PIK3C2G: variants seen among roughly 807,000 people sequenced by gnomAD.
PIK3C2G encodes the protein phosphatidylinositol 3-kinase C2 domain-containing subunit gamma.
PIK3C2G carries 168 observed loss-of-function variants against 181.1 expected under a neutral mutation model. The observed-to-expected ratio is 0.93, with a 90% confidence interval of 0.82 to 1.05. The LOEUF (loss-of-function observed/expected upper bound fraction) is 1.05, where lower values mean the gene tolerates loss of function less well. Among genes scored for constraint, PIK3C2G ranks in the 50% least tolerant of loss-of-function variants. PIK3C2G has a pLI of 0.00. For missense variants in PIK3C2G, 1,869 were observed against 1,732.8 expected (o/e 1.08, Z -1.40); for synonymous variants, 573 against 592.2 (o/e 0.97, Z 0.47).
At chr12:18,551,993 G>T (rs1484555592) in intron 26 of PIK3C2G, among the ~76,000 whole-genome samples, 1 of 152,026 alleles carries the variant, frequency 6.6e-6, no homozygotes. Flanking sequence ...CTTATCATAG[G>T]CCACCCTTTC....
At chr12:18,518,387 T>C (rs1243889625) in intron 24 of PIK3C2G, among the ~76,000 whole-genome samples, 2 of 152,226 alleles carry the variant, frequency 1.3e-5, no homozygotes, top group African/African-American at 4.8e-5. Flanking sequence ...GTTAGTAGGC[T>C]ATTAATTACT....
At chr12:18,653,990 G>C in the PIK3C2G span, among the ~76,000 whole-genome samples, 1 of 152,094 alleles carries the variant, frequency 6.6e-6, no homozygotes, top group East Asian at 1.9e-4. Flanking sequence ...AACTTGAGTA[G>C]CTTAAAAAAG....
intron 25 of PIK3C2G, among the ~76,000 whole-genome samples, chr12:18,543,953 A>G (rs1219868707): frequency 1.3e-5 from 2 of 151,940 alleles, no homozygotes; most frequent in African/African-American, 4.8e-5. Flanking sequence ...TGACAAACAT[A>G]CATATGAACA....
chr12:18,651,471 T>C (rs1950515834), downstream of PIK3C2G, among the ~76,000 whole-genome samples: 1 of 152,330 alleles, frequency 6.6e-6, no homozygotes, highest in Non-Finnish European at 1.5e-5. Context: ...TTTGTCTCCC[T>C]TCACTAGGCA....
In PIK3C2G at chr12:18,471,774, T is replaced by C. The variant is rs750292597; in HGVS notation, c.2505-16675T>C. ...ATGTAAGATCTTGTGTATTTAAGTA[T>C]GTTTTATTTCTTCCAATTAAGTTGT... On this transcript the variant is annotated intron_variant, in intron 18 of 32. Transcript: ENST00000538779. Among the ~76,000 whole-genome samples the C allele has an allele frequency of 5.6e-4, 85 of 152,312 alleles. 1 individual carries two copies. Among genetic ancestry groups the C allele is most frequent in the Non-Finnish European group, 2.2e-4 (15 of 68,018 alleles).
intron 18 of PIK3C2G, among the ~76,000 whole-genome samples, chr12:18,455,874 G>C (rs1345234503): frequency 6.6e-6 from 1 of 152,142 alleles, no homozygotes; most frequent in African/African-American, 2.4e-5. Context: ...ACATTCAGTT[G>C]ATAGCATTCA....
At chr12:18,277,317 A>G (rs1051995997) in intron 1 of PIK3C2G, among the ~76,000 whole-genome samples, 1 of 152,072 alleles carries the variant, frequency 6.6e-6, no homozygotes, top group African/African-American at 2.4e-5. Flanking sequence ...ATACTTGGGA[A>G]TTGGTTGAGC....
chr12:18,681,378 G>A, the PIK3C2G span, among the ~76,000 whole-genome samples: 7 of 152,086 alleles, frequency 4.6e-5, no homozygotes, highest in Admixed American at 4.6e-4. Context: ...AGCCTTTTCC[G>A]ATGTTTTCTT....
At chr12:18,257,847 G>GAGAA (rs112238182), upstream of PIK3C2G, among the ~76,000 whole-genome samples, 2 of 150,010 alleles carry the variant, frequency 1.3e-5, no homozygotes, top group Non-Finnish European at 3.0e-5. Flanking sequence ...GGAAAAGAAA[G>GAGAA]AGAAAGAAAG....
intron 24 of PIK3C2G, among the ~76,000 whole-genome samples, chr12:18,508,728 C>T (rs765426387): frequency 2.6e-5 from 4 of 152,080 alleles, no homozygotes; most frequent in Non-Finnish European, 5.9e-5. Context: ...ACAAGCTTAG[C>T]GTTCCAGTAA....
intron 16 of PIK3C2G, among the ~76,000 whole-genome samples, chr12:18,409,694 T>A (rs552821512): frequency 7.2e-5 from 11 of 152,174 alleles, no homozygotes; most frequent in Non-Finnish European, 1.5e-4. Flanking sequence ...AATGGCAGAA[T>A]TGAATGGAGA....
At chr12:18,632,327 T>C (rs531791601) in intron 31 of PIK3C2G, among the ~76,000 whole-genome samples, 2 of 152,320 alleles carry the variant, frequency 1.3e-5, no homozygotes, top group East Asian at 3.9e-4. Flanking sequence ...CATTACATGG[T>C]ATATTATTTA....
intron 1 of PIK3C2G, among the ~76,000 whole-genome samples, chr12:18,274,058 A>C (rs1419118270): frequency 6.6e-6 from 1 of 152,222 alleles, no homozygotes; most frequent in East Asian, 1.9e-4. Flanking sequence ...AAAAATGCTC[A>C]TCATCACTGG....
At chr12:18,352,161 G>A (rs969232983) in intron 11 of PIK3C2G, among the ~76,000 whole-genome samples, 3 of 152,322 alleles carry the variant, frequency 2.0e-5, no homozygotes, top group Middle Eastern at 3.4e-3. Context: ...AGTGACACAA[G>A]AGCACTATCA....
chr12:18,383,776 G>C (rs1248976212), intron 14 of PIK3C2G, among the ~76,000 whole-genome samples: 1 of 151,568 alleles, frequency 6.6e-6, no homozygotes, highest in Non-Finnish European at 1.5e-5. Flanking sequence ...AGGAAGATCG[G>C]ATATGTGAAC....
intron 18 of PIK3C2G, among the ~76,000 whole-genome samples, chr12:18,481,754 G>A (rs1939581033): frequency 6.6e-6 from 1 of 152,024 alleles, no homozygotes. Flanking sequence ...ATAAAGAGAG[G>A]CAAAGAGAAT....
At chr12:18,269,071 T>C (rs56137116) in intron 1 of PIK3C2G, among the ~76,000 whole-genome samples, 21,104 of 151,912 alleles carry the variant, frequency 0.14, 1,830 homozygotes, top group East Asian at 0.48. Flanking sequence ...CCAACACACC[T>C]GGCAAATTTT....
At chr12:18,519,662 C>G (rs1194425577) in intron 24 of PIK3C2G, among the ~76,000 whole-genome samples, 1 of 152,080 alleles carries the variant, frequency 6.6e-6, no homozygotes, top group East Asian at 1.9e-4. Flanking sequence ...GGTCTTGACT[C>G]TTTATCCAAT....
chr12:18,313,985 A>G lies in PIK3C2G; in HGVS notation c.1058A>G (p.Lys353Arg), dbSNP rs377284533. The G allele has an allele frequency of 1.9e-5, 30 of 1,588,428 alleles. No homozygotes were observed. The African/African-American group carries it at 2.2e-4, about 11-fold the overall frequency. ...AGCGACCACTGTTTGGGGAGCCACA[A>G]AATGTTTCAAAAAGATAAATCTGTT... ...LQNDHCLGSH[K>R]MFQKDKSVIQ... is the part of the protein sequence containing the mutation. The change falls in exon 6 of 33, where the codon AAA becomes AGA. Residue 353 changes from lysine (K) to arginine (R), a missense_variant. By Grantham distance (26) the Lys-to-Arg change is conservative. Coordinates refer to ENST00000538779, the MANE Select transcript of PIK3C2G (RefSeq NM_001288772.2).
Sources: gnomAD v4.1 joint callset for allele counts (sites outside exome capture counted in the v4.1 genomes callset) on GRCh38, gnomAD v4.1.1 for gene constraint, MANE v1.5 for transcripts, NCBI Gene and HGNC (gene_info 2026-07-23, HGNC 2026-07-21) for gene names.